ZNF521: variants seen among roughly 807,000 people sequenced by gnomAD.
ZNF521 encodes the protein LYST-interacting protein 3.
A neutral mutation model predicts 105.5 loss-of-function variants in ZNF521; 14 were observed. The observed-to-expected ratio is 0.13, with a 90% CI of 0.09 to 0.21. The LOEUF is 0.21. ZNF521 is among the 10% of genes least tolerant of loss of function. The pLI is 1.00. For synonymous variants in ZNF521, 635 were observed against 606.0 expected (o/e 1.05, Z -0.70); for missense variants, 1,233 against 1,629.7 (o/e 0.76, Z 4.19).
chr18:25,187,024 C>T (rs1174163131), intron 5 of ZNF521, among the ~76,000 whole-genome samples: 5 of 151,866 alleles, frequency 3.3e-5, no homozygotes, highest in African/African-American at 9.7e-5. Flanking sequence ...CTGATATGTA[C>T]GTCTCACAGG....
intron 5 of ZNF521, among the ~76,000 whole-genome samples, chr18:25,098,220 T>C (rs995250221): frequency 6.6e-6 from 1 of 152,182 alleles, no homozygotes; most frequent in African/African-American, 2.4e-5. Context: ...AAAAGGTGGC[T>C]TTCCTTCAAC....
intron 7 of ZNF521, among the ~76,000 whole-genome samples, chr18:25,087,068 G>A (rs1419364876): frequency 6.6e-6 from 1 of 152,150 alleles, no homozygotes; most frequent in Non-Finnish European, 1.5e-5. Flanking sequence ...TCATCTCTCT[G>A]ACAGCTAATA....
At chr18:25,141,076 A>G (rs1012572510) in intron 5 of ZNF521, among the ~76,000 whole-genome samples, 2 of 152,202 alleles carry the variant, frequency 1.3e-5, no homozygotes, top group Non-Finnish European at 2.9e-5. Flanking sequence ...CAAGAAGCAG[A>G]TCGAAAGAAA....
At chr18:25,327,776 A>G (rs1274041672) in intron 2 of ZNF521, 2 of 491,138 alleles carry the variant, frequency 4.1e-6, no homozygotes, top group Non-Finnish European at 8.1e-6. Flanking sequence ...GGAAGGCAGC[A>G]TTGCCAGACT....
chr18:25,169,782 G>A (rs982836547), intron 5 of ZNF521, among the ~76,000 whole-genome samples: 3 of 152,056 alleles, frequency 2.0e-5, no homozygotes, highest in Non-Finnish European at 4.4e-5. Context: ...TAAGGTAACT[G>A]GATTAGCAGT....
intron 5 of ZNF521, among the ~76,000 whole-genome samples, chr18:25,159,131 A>C (rs1452058395): frequency 6.6e-6 from 1 of 152,168 alleles, no homozygotes; most frequent in Non-Finnish European, 1.5e-5. Context: ...CCTTCTTTAC[A>C]GTGAAATGTA....
At chr18:25,154,487 T>C (rs1473458177) in intron 5 of ZNF521, among the ~76,000 whole-genome samples, 1 of 152,174 alleles carries the variant, frequency 6.6e-6, no homozygotes, top group East Asian at 1.9e-4. Context: ...AGAGGCAAAA[T>C]AGGCAAAAGT....
At chr18:25,188,603 G>A (rs987572798) in intron 5 of ZNF521, among the ~76,000 whole-genome samples, 1 of 152,116 alleles carries the variant, frequency 6.6e-6, no homozygotes, top group African/African-American at 2.4e-5. Context: ...ATCTGATAAG[G>A]AACATATCAA....
intron 7 of ZNF521, among the ~76,000 whole-genome samples, chr18:25,068,549 G>C (rs948895287): frequency 1.3e-5 from 2 of 151,886 alleles, no homozygotes; most frequent in Non-Finnish European, 2.9e-5. Context: ...CCCACAGGCT[G>C]GATAATAAGT....
At chr18:25,304,505 C>T (rs1911858691) in intron 3 of ZNF521, among the ~76,000 whole-genome samples, 1 of 152,208 alleles carries the variant, frequency 6.6e-6, no homozygotes, top group Non-Finnish European at 1.5e-5. Context: ...ACAGTGCCCC[C>T]AGAGAACTCT....
chr18:25,224,610 G>A lies in ZNF521; in HGVS notation c.3308C>T (p.Ala1103Val). Residue 1103 changes from alanine to valine, a missense_variant, in exon 4 of 8, where the codon GCC becomes GTC. By Grantham distance (64) the Ala-to-Val change is moderately conservative. Around this residue, in one of 6 missense-constraint regions of ZNF521, gnomAD observed 614 missense variants for 751.5 expected, o/e 0.82. Coordinates refer to ENST00000361524, the MANE Select transcript of ZNF521 (RefSeq NM_015461.3). ...CAGCVNLSKS[A>V]SPGINVPPGT... ...GGGAGGGACGTTAATGCCTGGGCTG[G>A]CGCTCTTACTGAGATTCACGCAGCC... 1 of 1,614,120 alleles carries A rather than the reference G, an allele frequency of 6.2e-7. No homozygotes were observed. The highest frequency in any genetic ancestry group is 8.5e-7 in the Non-Finnish European group (1 of 1,180,020).
intron 5 of ZNF521, among the ~76,000 whole-genome samples, chr18:25,153,509 G>A (rs572382991): frequency 3.9e-5 from 6 of 152,232 alleles, no homozygotes; most frequent in Admixed American, 3.3e-4. Context: ...GACTTCACAG[G>A]GCCTTGCTGA....
At chr18:25,288,172 C>T (rs1230715519) in intron 3 of ZNF521, among the ~76,000 whole-genome samples, 1 of 152,158 alleles carries the variant, frequency 6.6e-6, no homozygotes, top group East Asian at 1.9e-4. Flanking sequence ...ATAGAAATTT[C>T]ATAACTCTGC....
chr18:25,215,422 T>C (rs189804568), intron 4 of ZNF521, among the ~76,000 whole-genome samples: 270 of 152,272 alleles, frequency 1.8e-3, no homozygotes, highest in Non-Finnish European at 2.4e-3. Context: ...ACATCCGGAA[T>C]ATAGCTTTCA....
At chr18:25,149,774 C>A (rs1160115351) in intron 5 of ZNF521, among the ~76,000 whole-genome samples, 3 of 152,154 alleles carry the variant, frequency 2.0e-5, no homozygotes, top group Non-Finnish European at 2.9e-5. Context: ...TGTAGTAGTT[C>A]ATAATGGGTG....
At chr18:25,341,588 A>C (rs114516155) in intron 2 of ZNF521, among the ~76,000 whole-genome samples, 5 of 152,212 alleles carry the variant, frequency 3.3e-5, no homozygotes. Context: ...GTTTCAGTTC[A>C]AGTGGACATA....
chr18:25,224,915 C>A lies in ZNF521; in HGVS notation c.3003G>T (p.Glu1001Asp). ...GCATTTGGCAATGCTCTAAAAACTC[C>A]TCTTCACTCTGGAGAGGCATCTTGC... Reference protein sequence around the residue: ...RICKMPLQSEEEFLEHCQMHP... With the variant: ...RICKMPLQSEDEFLEHCQMHP... Residue 1001 changes from glutamate (E) to aspartate (D), a missense_variant, in exon 4 of 8, where the codon GAG becomes GAT. By Grantham distance (45) the Glu-to-Asp change is conservative (BLOSUM62 2). Around this residue, in one of 6 missense-constraint regions of ZNF521, gnomAD observed 614 missense variants for 751.5 expected, o/e 0.82. Coordinates refer to ENST00000361524, the MANE Select transcript of ZNF521 (RefSeq NM_015461.3). 6.2e-7 allele frequency: 1 copy of A among 1,613,956 alleles called. No individual in the cohort carries two copies. The highest frequency in any genetic ancestry group is 8.5e-7 in the Non-Finnish European group (1 of 1,180,010).
At chr18:25,131,797 T>G (rs1289783601) in intron 5 of ZNF521, among the ~76,000 whole-genome samples, 1 of 152,146 alleles carries the variant, frequency 6.6e-6, no homozygotes, top group African/African-American at 2.4e-5. Flanking sequence ...CTTCTCTAAT[T>G]CTCACTTGTA....
intron 7 of ZNF521, among the ~76,000 whole-genome samples, chr18:25,076,732 G>T (rs1300072302): frequency 6.6e-6 from 1 of 152,194 alleles, no homozygotes; most frequent in Non-Finnish European, 1.5e-5. Flanking sequence ...TGGAATTTGA[G>T]GCTATTTGTA....
Sources: gnomAD v4.1 joint callset for allele counts (sites outside exome capture counted in the v4.1 genomes callset) on GRCh38, gnomAD v4.1.1 for gene constraint, gnomAD v4.1.1 regional missense constraint, MANE v1.5 for transcripts, NCBI Gene and HGNC (gene_info 2026-07-23, HGNC 2026-07-21) for gene names.